FAM114A1: variants seen among roughly 807,000 people sequenced by gnomAD.
FAM114A1 encodes the protein protein NOXP20.
FAM114A1 carries 62 observed loss-of-function variants against 64.3 expected under a neutral mutation model. The observed-to-expected ratio is 0.96, with a 90% CI of 0.79 to 1.19. The LOEUF (loss-of-function observed/expected upper bound fraction) is 1.19. Among genes scored for constraint, FAM114A1 ranks in the 50% most tolerant of loss-of-function variants. FAM114A1 has a pLI of 0.00. For synonymous variants in FAM114A1, 254 were observed against 251.1 expected (o/e 1.01, Z -0.11); for missense variants, 645 against 676.3 (o/e 0.95, Z 0.51).
chr4:38,885,846 G>A (rs898635216), intron 3 of FAM114A1, among the ~76,000 whole-genome samples: 4 of 152,132 alleles, frequency 2.6e-5, no homozygotes, highest in African/African-American at 9.7e-5. Context: ...AGGTTAATTT[G>A]AGAAGCACCC....
intron 10 of FAM114A1, among the ~76,000 whole-genome samples, chr4:38,930,572 G>A (rs1025953131): frequency 1.3e-5 from 2 of 152,132 alleles, no homozygotes; most frequent in Non-Finnish European, 2.9e-5. Flanking sequence ...ACACACTGAG[G>A]ACAGTTTTGC....
chr4:38,882,445 T>C lies in FAM114A1; in HGVS notation c.348+4019T>C, dbSNP rs183889739. The stretch of plus-strand genomic sequence containing the variant: ...AGGAGTTCGAGACCAGCCTGACCAA[T>C]ATGGAGAAACCCCGTCTCTGCTAAA... On this transcript the variant is annotated intron_variant, in intron 3 of 14. Coordinates refer to ENST00000358869, the MANE Select transcript of FAM114A1 (RefSeq NM_138389.4). 6.4e-3 allele frequency among the ~76,000 whole-genome samples: 956 copies of C among 148,658 alleles called. 14 individuals are homozygous for C. Among genetic ancestry groups the C allele is most frequent in the African/African-American group, 0.022 (876 of 40,242 alleles).
intron 2 of FAM114A1, among the ~76,000 whole-genome samples, chr4:38,871,716 C>T (rs977928617): frequency 3.9e-5 from 6 of 152,196 alleles, no homozygotes; most frequent in Non-Finnish European, 7.3e-5. Context: ...GTTTCCTCCT[C>T]TGCAACTTCC....
At chr4:38,904,054 C>T (rs1717762342) in intron 4 of FAM114A1, among the ~76,000 whole-genome samples, 1 of 152,180 alleles carries the variant, frequency 6.6e-6, no homozygotes, top group African/African-American at 2.4e-5. Context: ...TTTAACAGTG[C>T]CTTCTAAGAC....
chr4:38,934,579 G>A (rs1200169222), intron 12 of FAM114A1, among the ~76,000 whole-genome samples: 1 of 152,114 alleles, frequency 6.6e-6, no homozygotes, highest in Non-Finnish European at 1.5e-5. Flanking sequence ...ATTCATGAGT[G>A]CTGTATGCAC....
At chr4:38,902,682 C>G (rs1717626193) in intron 4 of FAM114A1, among the ~76,000 whole-genome samples, 1 of 152,036 alleles carries the variant, frequency 6.6e-6, no homozygotes, top group Admixed American at 6.6e-5. Flanking sequence ...TCTTTAGAAC[C>G]ATGGAGTTTA....
chr4:38,890,116 A>G (rs2013740), intron 3 of FAM114A1, among the ~76,000 whole-genome samples: 39,213 of 152,044 alleles, frequency 0.26, 5,376 homozygotes, highest in Middle Eastern at 0.49. Flanking sequence ...GTAGAAAATA[A>G]CAAGGGAGGC....
chr4:38,898,244 G>A (rs1441847888), intron 4 of FAM114A1, among the ~76,000 whole-genome samples: 3 of 152,148 alleles, frequency 2.0e-5, no homozygotes, highest in African/African-American at 7.2e-5. Context: ...CTGAGGTTGG[G>A]GGTTGGTGTG....
At chr4:38,926,959 C>T (rs796188089) in intron 9 of FAM114A1, among the ~76,000 whole-genome samples, 19 of 152,192 alleles carry the variant, frequency 1.2e-4, no homozygotes, top group Admixed American at 9.8e-4. Flanking sequence ...TGGGTTAAAA[C>T]GATTTGCTTG....
rs148571766 is a variant in FAM114A1 at position 38,885,277 on chromosome 4, G to A, written c.349-6466G>A. 4.3e-3 allele frequency among the ~76,000 whole-genome samples: 650 copies of A among 150,730 alleles called. 3 individuals carry two copies. The highest frequency in any genetic ancestry group is 0.014 in the African/African-American group (592 of 41,018). On this transcript the variant is annotated intron_variant, in intron 3 of 14. Coordinates refer to ENST00000358869, the MANE Select transcript of FAM114A1 (RefSeq NM_138389.4). Reference sequence around the variant, plus strand: ...GACATGAGCCACAAAGCCCGGCCCCGTCCTGTTTTAAAAAAATAGTCTCTC... The same window carrying A: ...GACATGAGCCACAAAGCCCGGCCCCATCCTGTTTTAAAAAAATAGTCTCTC...
chr4:38,932,522 G>A, intron 12 of FAM114A1, 148 bp downstream of exon 12: 1 of 850,754 alleles, frequency 1.2e-6, no homozygotes, highest in Non-Finnish European at 1.8e-6. Flanking sequence ...GTTGAGACGG[G>A]ATCTCACTCT....
Position 38,901,477 on chromosome 4 carries a change from A to G in FAM114A1, c.437-4045A>G, listed in dbSNP as rs563456905. 2.0e-5 allele frequency among the ~76,000 whole-genome samples: 3 copies of G among 152,196 alleles called. No homozygotes were observed. In the East Asian group the frequency reaches 5.8e-4, roughly 29 times the overall value. On this transcript the variant is annotated intron_variant, in intron 4 of 14. Coordinates refer to ENST00000358869, the MANE Select transcript of FAM114A1 (RefSeq NM_138389.4). ...AAATTTTGTATTGTATTTTTGGTAG[A>G]GGTGGGGTTTCACCATGTTGGCCAG... is the stretch of plus-strand genomic sequence containing the variant.
intron 3 of FAM114A1, among the ~76,000 whole-genome samples, chr4:38,879,176 G>C (rs1344535366): frequency 6.6e-6 from 1 of 152,150 alleles, no homozygotes; most frequent in Non-Finnish European, 1.5e-5. Flanking sequence ...CCGCATTAAA[G>C]AAGGAGACAG....
intron 8 of FAM114A1, among the ~76,000 whole-genome samples, chr4:38,917,450 AT>A (rs1387283640): frequency 6.6e-6 from 1 of 152,226 alleles, no homozygotes. Flanking sequence ...AATGGGAATA[AT>A]AAAATCTACC....
At chr4:38,932,175 AT>A in intron 11 of FAM114A1, 59 bp from the exon 12 acceptor site, 1 of 1,532,326 alleles carries the variant, frequency 6.5e-7, no homozygotes, top group Non-Finnish European at 8.8e-7. Flanking sequence ...ATGTCACAGC[AT>A]TTTTTTAAAA....
At chr4:38,927,018 G>A (rs1470430741) in intron 9 of FAM114A1, among the ~76,000 whole-genome samples, 2 of 152,182 alleles carry the variant, frequency 1.3e-5, no homozygotes, top group Non-Finnish European at 2.9e-5. Context: ...TCCTCCCTGC[G>A]CACACCTGCC....
chr4:38,870,744 A>G (rs6854322), intron 2 of FAM114A1, among the ~76,000 whole-genome samples: 32,943 of 152,064 alleles, frequency 0.22, 4,238 homozygotes, highest in Non-Finnish European at 0.28. Flanking sequence ...GAACACCCAG[A>G]CGGAGATGGA....
intron 4 of FAM114A1, 118 bp from the exon 5 acceptor site, chr4:38,905,400 TAAAA>T: frequency 5.0e-6 from 3 of 600,030 alleles, no homozygotes; most frequent in Non-Finnish European, 8.4e-6. Flanking sequence ...CTCCATCTTT[TAAAA>T]AAAAAAAAAA....
chr4:38,888,899 TG>T, intron 3 of FAM114A1, among the ~76,000 whole-genome samples: 1 of 152,370 alleles, frequency 6.6e-6, no homozygotes, highest in Admixed American at 6.5e-5. Flanking sequence ...ACCATATTCA[TG>T]ATGAGATATA....
Sources: gnomAD v4.1 joint callset for allele counts (sites outside exome capture counted in the v4.1 genomes callset) on GRCh38, gnomAD v4.1.1 for gene constraint, MANE v1.5 for transcripts, NCBI Gene and HGNC (gene_info 2026-07-23, HGNC 2026-07-21) for gene names.